GALC: variants seen among roughly 807,000 people sequenced by gnomAD.
GALC encodes the protein galactosylceramidase.
In GALC, 77 loss-of-function variants were observed where a neutral mutation model predicts 91.8. That is an observed-to-expected ratio of 0.84 (90% CI 0.70 to 1.01). The LOEUF is 1.01. GALC is among the 50% of genes least tolerant of loss of function. GALC has a pLI of 0.00. For synonymous variants in GALC, 357 were observed against 306.7 expected (o/e 1.16, Z -1.71); for missense variants, 882 against 855.9 (o/e 1.03, Z -0.38).
chr14:87,984,343 A>C (rs1414208220), intron 5 of GALC, 51 bp downstream of exon 5: 6 of 1,550,170 alleles, frequency 3.9e-6, no homozygotes, highest in African/African-American at 1.4e-5. Context: ...TTATTTTCTA[A>C]ATTACAAACA....
Position 87,976,258 on chromosome 14 carries a change from C to A in GALC, c.752+100G>T. The A allele has an allele frequency of 2.3e-6, 3 of 1,285,840 alleles. No individual in the cohort carries two copies. The Admixed American group carries it at 5.1e-5, about 22-fold the overall frequency. 79.7% of individuals were successfully genotyped at this position (1,285,840 alleles called of 1,614,324 possible). A position where few individuals can be genotyped will look rare whatever the true frequency, so the allele number is the denominator to read the frequency against. On this transcript the variant is annotated intron_variant, in intron 7 of 16. Coordinates refer to ENST00000261304, the MANE Select transcript of GALC (RefSeq NM_000153.4). ...TAAGTGAATACAGGAGAGCTACCTT[C>A]TGAGAATGTAATCAAATGGGGAGAA...
At position 87,945,799 on chromosome 14, in the gene GALC, T is replaced by G; in HGVS notation, c.1490-66A>C. ...CTTCAGAAGCTCTCCTTGCTGATAT[T>G]TTATAGTATGTCTGAAACACTTCTG... On this transcript the variant is annotated intron_variant, in intron 13 of 16. Transcript: ENST00000261304. 2.4e-6 allele frequency: 3 copies of G among 1,231,718 alleles called. No individual in the cohort carries two copies. In the South Asian group the frequency reaches 3.7e-5, roughly 15 times the overall value. 76.3% of individuals were successfully genotyped at this position (1,231,718 alleles called of 1,614,324 possible). A position where few individuals can be genotyped will look rare whatever the true frequency, so the allele number is the denominator to read the frequency against.
chr14:87,979,838 C>T (rs1011341691), intron 6 of GALC, among the ~76,000 whole-genome samples: 1 of 152,180 alleles, frequency 6.6e-6, no homozygotes, highest in Non-Finnish European at 1.5e-5. Context: ...ACCAACTTGG[C>T]TTCTGCTCTG....
chr14:87,946,983 G>C (rs1885098484), intron 13 of GALC, among the ~76,000 whole-genome samples: 1 of 151,914 alleles, frequency 6.6e-6, no homozygotes, highest in Non-Finnish European at 1.5e-5. Context: ...CAGCTCTGCA[G>C]CAAACAGGAG....
chr14:87,954,519 C>T (rs1453241891), intron 10 of GALC: 2 of 1,559,600 alleles, frequency 1.3e-6, no homozygotes, highest in East Asian at 2.3e-5. Flanking sequence ...AAATCGCATA[C>T]AATGCCTTGG....
At chr14:87,952,975 A>G (rs1885375000) in intron 10 of GALC, 2 of 965,464 alleles carry the variant, frequency 2.1e-6, no homozygotes, top group Non-Finnish European at 3.3e-6. Context: ...CAGAACTTTC[A>G]CTCAAATTTG....
At chr14:87,952,116 G>A (rs1251747619) in intron 10 of GALC, among the ~76,000 whole-genome samples, 1 of 151,372 alleles carries the variant, frequency 6.6e-6, no homozygotes, top group Non-Finnish European at 1.5e-5. Context: ...AATAGGCAAA[G>A]AAAATAATAA....
chr14:87,935,116 A>C (rs79558046), intron 16 of GALC, among the ~76,000 whole-genome samples: 1 of 152,118 alleles, frequency 6.6e-6, no homozygotes, highest in Non-Finnish European at 1.5e-5. Context: ...GAATACCTCA[A>C]TATTTCCTGT....
chr14:87,993,019 T>C lies in GALC; in HGVS notation c.146A>G (p.Asp49Gly). ...PGGAYVLDDS[D>G]GLGREFDGIG... The stretch of plus-strand genomic sequence containing the variant: ...GCCGTCGAACTCCCGGCCCAGCCCG[T>C]CGGAGTCGTCGAGCACGTACGCGCC... Residue 49 changes from aspartate (D) to glycine (G), a missense_variant, in exon 1 of 17, where the codon GAC becomes GGC. Transcript: ENST00000261304. 1 of 1,545,746 alleles carries C rather than the reference T, an allele frequency of 6.5e-7. No homozygotes were observed. The highest frequency in any genetic ancestry group is 1.2e-5 in the South Asian group (1 of 84,340).
At chr14:87,939,150 T>C (rs1017530219) in intron 16 of GALC, among the ~76,000 whole-genome samples, 3 of 151,940 alleles carry the variant, frequency 2.0e-5, no homozygotes, top group African/African-American at 7.2e-5. Context: ...TTGGCTAGTG[T>C]GGTATAGTTA....
chr14:87,945,906 C>T (rs893983640), intron 13 of GALC, among the ~76,000 whole-genome samples, 173 bp from the exon 14 acceptor site: 25 of 152,022 alleles, frequency 1.6e-4, no homozygotes, highest in African/African-American at 5.8e-4. Context: ...TTTGTATCAT[C>T]ATTACTAAAT....
intron 14 of GALC, among the ~76,000 whole-genome samples, chr14:87,943,382 G>A (rs1347853184): frequency 6.6e-6 from 1 of 152,018 alleles, no homozygotes; most frequent in Non-Finnish European, 1.5e-5. Context: ...CTAGGTATAA[G>A]AGAGGAAGTT....
chr14:87,993,544 G>C, upstream of GALC: 2 of 1,374,244 alleles, frequency 1.5e-6, no homozygotes, highest in South Asian at 1.2e-5. Flanking sequence ...TTGGACACCA[G>C]GTCCCGATTC....
intron 16 of GALC, 97 bp downstream of exon 16, chr14:87,939,808 T>G: frequency 1.1e-6 from 1 of 898,840 alleles, no homozygotes; most frequent in Non-Finnish European, 1.9e-6. Context: ...CTCTTCATTA[T>G]ATGTCACACT....
At position 87,947,817 on chromosome 14, in the gene GALC, G is replaced by C. The variant is rs750431739; in HGVS notation, c.1400C>G (p.Thr467Ser). The C allele has an allele frequency of 4.3e-6, 7 of 1,612,826 alleles. No individual in the cohort carries two copies. Among genetic ancestry groups the C allele is most frequent in the Non-Finnish European group, 5.9e-6 (7 of 1,179,150 alleles). ...GCCTTTGCGACCAGTGGTGAGAGTGGTGAGTGTGAACAGCTCATCTTCATG... is the reference window on the plus strand; with the variant it reads ...GCCTTTGCGACCAGTGGTGAGAGTGCTGAGTGTGAACAGCTCATCTTCATG... Reference protein sequence around the residue: ...SLHEDELFTLTTLTTGRKGSY... With the variant: ...SLHEDELFTLSTLTTGRKGSY... The change falls in exon 13 of 17, where the codon ACC becomes AGC. Residue 467 changes from threonine (T) to serine (S), a missense_variant. Physicochemically the swap from Thr to Ser is moderately conservative, Grantham distance 58 (BLOSUM62 1). Coordinates refer to ENST00000261304, the MANE Select transcript of GALC (RefSeq NM_000153.4).
chr14:87,983,069 G>T (rs1166840457), intron 5 of GALC, among the ~76,000 whole-genome samples: 3 of 152,148 alleles, frequency 2.0e-5, no homozygotes, highest in Non-Finnish European at 4.4e-5. Flanking sequence ...GCCAGGCGTG[G>T]TGGCTCATTC....
chr14:87,967,385 T>C (rs1333509871), intron 8 of GALC, among the ~76,000 whole-genome samples: 3 of 152,154 alleles, frequency 2.0e-5, no homozygotes, highest in Non-Finnish European at 4.4e-5. Flanking sequence ...GAAGATGCCT[T>C]ACCTTTAAGA....
At chr14:87,956,359 G>T (rs1448601909) in intron 10 of GALC, among the ~76,000 whole-genome samples, 1 of 151,840 alleles carries the variant, frequency 6.6e-6, no homozygotes, top group East Asian at 1.9e-4. Context: ...AAGGGGGAGA[G>T]GATCAATGCC....
rs1319559158 is a variant in GALC, at chr14:87,976,483, T to C, written c.627A>G (p.Leu209=). 6.2e-7 allele frequency: 1 copy of C among 1,611,964 alleles called. No individual in the cohort carries two copies. ...GACCTTGATAATTCAGCATTTTTCT[T>C]AATATCTTTTGGAGTAAGAAACAGA... ...RSYNANYIKI[L]RKMLNYQGLQ... Residue 209 remains leucine, a synonymous_variant, in exon 7 of 17, where the codon TTA becomes TTG. Coordinates refer to ENST00000261304, the MANE Select transcript of GALC (RefSeq NM_000153.4).
Sources: allele counts gnomAD v4.1 joint callset (sites outside exome capture counted in the v4.1 genomes callset), GRCh38; gene constraint gnomAD v4.1.1; transcripts MANE v1.5; gene names NCBI Gene and HGNC (gene_info 2026-07-23, HGNC 2026-07-21).